Variants in FBLN2 observed in about 807,000 individuals in gnomAD.
The protein encoded by FBLN2 is fibulin-2.
FBLN2 carries 81 observed loss-of-function variants against 123.7 expected under a neutral mutation model. The ratio of observed to expected loss-of-function variants is 0.65; its 90% CI spans 0.55 to 0.79. FBLN2 has a LOEUF of 0.79. FBLN2 is among the 30% of genes least tolerant of loss of function. FBLN2 has a pLI of 0.00. For synonymous variants in FBLN2, 699 were observed against 701.4 expected (o/e 1.00, Z 0.05); for missense variants, 1,603 against 1,681.3 (o/e 0.95, Z 0.81).
At chr3:13,564,946 G>C (rs79878285) in intron 1 of FBLN2, among the ~76,000 whole-genome samples, 2,387 of 152,354 alleles carry the variant, frequency 0.016, 27 homozygotes, top group Non-Finnish European at 0.028. Flanking sequence ...CCAGGTGAGA[G>C]AGGCAGCTGG....
rs3773270 is a variant in FBLN2 at position 13,614,182 on chromosome 3, C to T, written c.1729+18C>T. ...ACGGAGAGGTGAGTGCTGCTCTTCCCTGGCTGCGGCATATAGGGCGAAGGC... is the reference window on the plus strand; with the variant it reads ...ACGGAGAGGTGAGTGCTGCTCTTCCTTGGCTGCGGCATATAGGGCGAAGGC... On this transcript the variant is annotated intron_variant, in intron 5 of 17. Coordinates refer to ENST00000404922, the MANE Select transcript of FBLN2 (RefSeq NM_001004019.2). The T allele has an allele frequency of 0.066, 106,172 of 1,605,338 alleles. 6,150 individuals carry two copies. Among genetic ancestry groups the T allele is most frequent in the African/African-American group, 0.31 (23,194 of 74,896 alleles).
rs1705330210 is a variant in FBLN2 at position 13,609,773 on chromosome 3, C to T, written c.1548+131C>T. On this transcript the variant is annotated intron_variant, in intron 4 of 17. Coordinates refer to ENST00000404922, the MANE Select transcript of FBLN2 (RefSeq NM_001004019.2). ...GCTCCTCCTGGGAGTGACCCTCACGCCTGGGGTGGAAGGACTCTTAATCTG... is the reference window on the plus strand; with the variant it reads ...GCTCCTCCTGGGAGTGACCCTCACGTCTGGGGTGGAAGGACTCTTAATCTG... The T allele has an allele frequency of 4.8e-6, 5 of 1,048,002 alleles. No individual in the cohort carries two copies. The East Asian group carries it at 1.3e-4, about 27-fold the overall frequency. The allele number at this position is 1,048,002 out of a possible 1,614,324, so 64.9% of individuals were successfully genotyped here.
At chr3:13,567,193 G>C (rs1217223888) in intron 1 of FBLN2, among the ~76,000 whole-genome samples, 1 of 151,894 alleles carries the variant, frequency 6.6e-6, no homozygotes, top group African/African-American at 2.4e-5. Flanking sequence ...GGTGGACCGG[G>C]TGGTGGGGCA....
At chr3:13,620,591 G>T (rs1444640510) in intron 8 of FBLN2, among the ~76,000 whole-genome samples, 1 of 152,176 alleles carries the variant, frequency 6.6e-6, no homozygotes, top group African/African-American at 2.4e-5. Context: ...ATTGGATCCA[G>T]CACCTGCTGG....
At chr3:13,610,479 C>T (rs1004672361) in intron 4 of FBLN2, among the ~76,000 whole-genome samples, 2 of 152,074 alleles carry the variant, frequency 1.3e-5, no homozygotes, top group African/African-American at 2.4e-5. Flanking sequence ...CAGGCGAGGA[C>T]GTTGGGAAAT....
At chr3:13,568,376 C>T (rs1459407686) in intron 1 of FBLN2, among the ~76,000 whole-genome samples, 1 of 152,256 alleles carries the variant, frequency 6.6e-6, no homozygotes, top group Non-Finnish European at 1.5e-5. Context: ...GTGCCACCAT[C>T]TCCTGCCTCT....
chr3:13,621,493 G>A (rs935450089), intron 8 of FBLN2, among the ~76,000 whole-genome samples: 5 of 152,132 alleles, frequency 3.3e-5, no homozygotes, highest in African/African-American at 9.7e-5. Flanking sequence ...GGGAAGTATC[G>A]AGTGCGTACG....
At chr3:13,608,963 C>G (rs1487118954) in intron 3 of FBLN2, among the ~76,000 whole-genome samples, 1 of 152,258 alleles carries the variant, frequency 6.6e-6, no homozygotes, top group Non-Finnish European at 1.5e-5. Context: ...TTAGAGCATG[C>G]AGCACTGGGA....
intron 2 of FBLN2, among the ~76,000 whole-genome samples, chr3:13,584,798 C>T (rs1316188330): frequency 1.3e-5 from 2 of 152,196 alleles, no homozygotes; most frequent in African/African-American, 2.4e-5. Context: ...CAGGCATGGG[C>T]GTGAGATGAG....
rs935822987 is a variant in FBLN2, at chr3:13,629,112, G to A, written c.2714-52G>A. 4 of 1,612,148 alleles carry A rather than the reference G, an allele frequency of 2.5e-6. No homozygotes were observed. In the African/African-American group the frequency reaches 4.0e-5, roughly 16 times the overall value. ...CTGCCCGCTTCCCCACCCCTGGGAG[G>A]TGTGTGTGGAGGGAGCCCCAGGCCT... On this transcript the variant is annotated intron_variant, in intron 12 of 17. Transcript: ENST00000404922.
intron 16 of FBLN2, among the ~76,000 whole-genome samples, chr3:13,634,544 C>T (rs1018549976): frequency 2.0e-5 from 3 of 152,254 alleles, no homozygotes; most frequent in East Asian, 1.9e-4. Context: ...AGCGGGCCAC[C>T]GGGGGCATAG....
intron 17 of FBLN2, among the ~76,000 whole-genome samples, chr3:13,637,314 G>A (rs908099315): frequency 6.6e-6 from 1 of 152,214 alleles, no homozygotes; most frequent in Non-Finnish European, 1.5e-5. Context: ...GGTAAGAGCT[G>A]TTAACGAGCC....
At chr3:13,574,066 A>G (rs907558229) in intron 2 of FBLN2, among the ~76,000 whole-genome samples, 4 of 152,176 alleles carry the variant, frequency 2.6e-5, no homozygotes, top group African/African-American at 7.2e-5. Flanking sequence ...TGTGAGGACT[A>G]CGCGGCTCAG....
At chr3:13,580,750 A>G (rs1483579337) in intron 2 of FBLN2, among the ~76,000 whole-genome samples, 6 of 152,184 alleles carry the variant, frequency 3.9e-5, no homozygotes, top group African/African-American at 1.2e-4. Flanking sequence ...CTCCTTGGAC[A>G]CACCTCGGCC....
intron 1 of FBLN2, among the ~76,000 whole-genome samples, chr3:13,561,792 C>T (rs1278749535): frequency 1.3e-5 from 2 of 152,144 alleles, no homozygotes; most frequent in South Asian, 2.1e-4. Flanking sequence ...GTGGGCTGGC[C>T]GGTAGCAACT....
intron 1 of FBLN2, among the ~76,000 whole-genome samples, chr3:13,556,457 A>T (rs1489970716): frequency 2.0e-5 from 3 of 151,672 alleles, no homozygotes; most frequent in Non-Finnish European, 4.4e-5. Context: ...CCTCATCTAA[A>T]CCTCCTAATG....
intron 1 of FBLN2, among the ~76,000 whole-genome samples, chr3:13,550,552 T>C (rs1309930832): frequency 6.6e-6 from 1 of 152,206 alleles, no homozygotes; most frequent in Non-Finnish European, 1.5e-5. Flanking sequence ...GTCCGGGCCC[T>C]CCCAGAGGGA....
intron 4 of FBLN2, 107 bp downstream of exon 4, chr3:13,609,749 C>T (rs529224456): frequency 2.2e-6 from 3 of 1,364,474 alleles, no homozygotes; most frequent in South Asian, 2.6e-5. Flanking sequence ...GTCCTTGGGG[C>T]TCCTCCTGGG....
chr3:13,570,887 C>T lies in FBLN2; in HGVS notation c.532C>T (p.His178Tyr), dbSNP rs1291611527. Reference protein sequence around the residue: ...ELICYQLPGCHGNFSDAEEGD... With the variant: ...ELICYQLPGCYGNFSDAEEGD... ...CATCTGCTACCAGCTCCCCGGTTGC[C>T]ACGGGAACTTCTCAGATGCCGAGGA... The change falls in exon 2 of 18, where the codon CAC (histidine) becomes TAC (tyrosine). Residue 178 changes from histidine to tyrosine, a missense_variant. Transcript: ENST00000404922. 1.9e-6 allele frequency: 3 copies of T among 1,612,208 alleles called. No homozygotes were observed. The highest frequency in any genetic ancestry group is 1.3e-5 in the African/African-American group (1 of 74,918).
Sources: allele counts gnomAD v4.1 joint callset (sites outside exome capture counted in the v4.1 genomes callset), GRCh38; gene constraint gnomAD v4.1.1; transcripts MANE v1.5; gene names NCBI Gene and HGNC (gene_info 2026-07-23, HGNC 2026-07-21).